Variants in ZNF385D observed in about 807,000 individuals in gnomAD.
The protein encoded by ZNF385D is zinc finger protein 385D, also known as zinc finger protein 659.
A neutral mutation model predicts 35.8 loss-of-function variants in ZNF385D; 15 were observed. The ratio of observed to expected loss-of-function variants is 0.42; its 90% CI spans 0.28 to 0.64. The LOEUF is 0.64. Ranked by LOEUF, ZNF385D falls within the 30% of genes least tolerant of loss-of-function variation. ZNF385D has a pLI of 0.23. For synonymous variants in ZNF385D, 212 were observed against 186.8 expected, an observed-to-expected ratio of 1.13 and a Z score of -1.10; for missense variants, 474 against 494.6, an observed-to-expected ratio of 0.96 and a Z score of 0.39.
chr3:21,719,636 G>A (rs1270865344), intron 1 of ZNF385D, among the ~76,000 whole-genome samples: 1 of 152,138 alleles, frequency 6.6e-6, no homozygotes, highest in Non-Finnish European at 1.5e-5. Flanking sequence ...TGCACCCAGA[G>A]GACCACCCAA....
chr3:21,621,865 C>CTGTG (rs10580512), intron 2 of ZNF385D, among the ~76,000 whole-genome samples: 1,681 of 146,202 alleles, frequency 0.011, 16 homozygotes, highest in African/African-American at 0.029. Flanking sequence ...CCTGTTACCA[C>CTGTG]TGTGTGTGTG....
At chr3:22,274,482 C>T (rs950646621) in intron 2 of ZNF385D, among the ~76,000 whole-genome samples, 16 of 151,890 alleles carry the variant, frequency 1.1e-4, no homozygotes, top group Non-Finnish European at 1.6e-4. Flanking sequence ...TCTGAGGAAG[C>T]ATGGATAATT....
At chr3:21,431,525 C>A (rs181048071) in intron 5 of ZNF385D, among the ~76,000 whole-genome samples, 79 of 152,190 alleles carry the variant, frequency 5.2e-4, no homozygotes, top group Admixed American at 2.9e-3. Context: ...GAGGGCACCG[C>A]AACAGAGAAA....
At chr3:21,984,314 C>T (rs1694682723) in intron 3 of ZNF385D, among the ~76,000 whole-genome samples, 1 of 141,520 alleles carries the variant, frequency 7.1e-6, no homozygotes, top group Non-Finnish European at 1.5e-5. Context: ...ACGTTTAAAT[C>T]TTTAATCCAT....
chr3:21,929,696 C>T (rs943937402), intron 3 of ZNF385D, among the ~76,000 whole-genome samples: 1 of 151,852 alleles, frequency 6.6e-6, no homozygotes, highest in Non-Finnish European at 1.5e-5. Context: ...GAAAACAATT[C>T]CAGTCACAGC....
rs57662457 is a variant in ZNF385D at position 21,646,146 on chromosome 3, AT to A, written c.165+18739del. 5.3e-5 allele frequency among the ~76,000 whole-genome samples: 8 copies of A among 152,114 alleles called. No homozygotes were observed. Among genetic ancestry groups the A allele is most frequent in the African/African-American group, 1.9e-4 (8 of 41,432 alleles). ...AACCTCAGGGAAATTTTTAAAAACT[AT>A]TTTTCATTTTAAAAGTTAAGGAAGG... On this transcript the variant is annotated intron_variant, in intron 2 of 7. Transcript: ENST00000281523. The surrounding 1 kb of genome is among the most constrained non-coding windows in gnomAD (Gnocchi z 4.3).
chr3:22,067,620 G>T (rs566818650), intron 3 of ZNF385D, among the ~76,000 whole-genome samples: 1 of 152,162 alleles, frequency 6.6e-6, no homozygotes, highest in Admixed American at 6.5e-5. Flanking sequence ...CACAGCTGAT[G>T]TATGTTATTA....
At chr3:21,549,585 C>A (rs1411873818) in intron 3 of ZNF385D, among the ~76,000 whole-genome samples, 3 of 152,178 alleles carry the variant, frequency 2.0e-5, no homozygotes, top group African/African-American at 7.2e-5. Context: ...AGGCCATCAC[C>A]ACACTCTCCA....
intron 2 of ZNF385D, chr3:21,579,256 A>G (rs929442295): frequency 3.9e-5 from 6 of 152,238 alleles, no homozygotes; most frequent in African/African-American, 1.4e-4. Flanking sequence ...TGAAAAGGAA[A>G]TATATTCCAG....
At chr3:21,495,033 C>A (rs1705720228) in intron 4 of ZNF385D, among the ~76,000 whole-genome samples, 1 of 152,180 alleles carries the variant, frequency 6.6e-6, no homozygotes, top group Admixed American at 6.6e-5. Context: ...TGTGTACCAT[C>A]CAGAGTGAAG....
intron 1 of ZNF385D, among the ~76,000 whole-genome samples, chr3:21,712,468 T>C (rs932679286): frequency 6.6e-6 from 1 of 152,254 alleles, no homozygotes. Context: ...GAACAATGTT[T>C]CTACAATCTG....
At chr3:22,286,959 T>C (rs1474299709) in intron 2 of ZNF385D, among the ~76,000 whole-genome samples, 2 of 152,062 alleles carry the variant, frequency 1.3e-5, no homozygotes, top group African/African-American at 2.4e-5. Context: ...ATCTAACCAT[T>C]GCTGAAAGTA....
At chr3:22,190,555 T>C (rs990857761) in intron 2 of ZNF385D, among the ~76,000 whole-genome samples, 2 of 152,144 alleles carry the variant, frequency 1.3e-5, no homozygotes, top group Admixed American at 1.3e-4. Flanking sequence ...ATTGCTAATA[T>C]CGTTAAGTTC....
chr3:22,311,333 T>C (rs188260440), intron 2 of ZNF385D, among the ~76,000 whole-genome samples: 15 of 152,162 alleles, frequency 9.9e-5, no homozygotes, highest in Non-Finnish European at 1.5e-5. Flanking sequence ...ATTCTTTTTC[T>C]CTCCTTGACA....
At chr3:22,030,282 T>TCCTATACAAATAACAA (rs1359136179) in intron 3 of ZNF385D, among the ~76,000 whole-genome samples, 7 of 114,514 alleles carry the variant, frequency 6.1e-5, no homozygotes, top group East Asian at 2.4e-4. Context: ...TATATATATA[T>TCCTATACAAATAACAA]ATATATATAT....
At chr3:21,931,675 A>G (rs1435393513) in intron 3 of ZNF385D, among the ~76,000 whole-genome samples, 1 of 152,184 alleles carries the variant, frequency 6.6e-6, no homozygotes, top group East Asian at 1.9e-4. Context: ...AGATAAATGG[A>G]TGCCTTCGGC....
intron 3 of ZNF385D, among the ~76,000 whole-genome samples, chr3:22,094,321 G>T (rs1440638224): frequency 1.9e-5 from 2 of 107,180 alleles, no homozygotes; most frequent in Non-Finnish European, 4.2e-5. Flanking sequence ...TTCTTAAGTT[G>T]TACCCTTTTT....
At chr3:21,702,199 A>G (rs986845079) in intron 1 of ZNF385D, among the ~76,000 whole-genome samples, 16 of 152,170 alleles carry the variant, frequency 1.1e-4, no homozygotes, top group African/African-American at 3.6e-4. Context: ...GCGTTTCAAT[A>G]TATCTTCTGA....
At position 21,420,064 on chromosome 3, in the gene ZNF385D, C is replaced by T. The variant is rs1049559781; in HGVS notation, c.*1150G>A. On this transcript the variant is annotated 3_prime_UTR_variant, in exon 8 of 8. Coordinates refer to ENST00000281523, the MANE Select transcript of ZNF385D (RefSeq NM_024697.3). The stretch of plus-strand genomic sequence containing the variant: ...GATTCATATTTCCTGTTGTTATTAA[C>T]ATTTAAATATATATTAATTGTTTAT... 1.3e-5 allele frequency: 2 copies of T among 151,898 alleles called. No homozygotes were observed. The highest frequency in any genetic ancestry group is 2.1e-4 in the South Asian group (1 of 4,828). The allele number at this position is 151,898 out of a possible 1,614,324, so 9.4% of individuals were successfully genotyped here.
Sources: gnomAD v4.1 joint callset for allele counts (sites outside exome capture counted in the v4.1 genomes callset) on GRCh38, gnomAD v4.1.1 for gene constraint, Gnocchi (gnomAD v3.1) non-coding constraint, MANE v1.5 for transcripts, NCBI Gene and HGNC (gene_info 2026-07-23, HGNC 2026-07-21) for gene names.